NEBL: variants seen among roughly 807,000 people sequenced by gnomAD.
The protein encoded by NEBL is nebulette.
A neutral mutation model predicts 140.2 loss-of-function variants in NEBL; 122 were observed. That is an observed-to-expected ratio of 0.87 (90% CI 0.75 to 1.01). The LOEUF (loss-of-function observed/expected upper bound fraction) is 1.01. NEBL is among the 50% of genes least tolerant of loss of function. The pLI, the probability that NEBL is intolerant of heterozygous loss-of-function variation, is 0.00. For missense variants in NEBL, 1,365 were observed against 1,231.3 expected (o/e 1.11, Z -1.62); for synonymous variants, 436 against 398.9 (o/e 1.09, Z -1.11).
chr10:20,997,377 G>A (rs1837706936), intron 3 of NEBL, among the ~76,000 whole-genome samples: 1 of 149,176 alleles, frequency 6.7e-6, no homozygotes, highest in Non-Finnish European at 1.5e-5. Flanking sequence ...GCACTGCCAA[G>A]GGGGGCAAGG....
Position 20,897,273 on chromosome 10 carries a change from C to T in NEBL, c.-68G>A. ...TGGCGTCCTTTTCCATACCACAGTG[C>T]CCTTGAGATGCTGACGTCTCTGGTG... On this transcript the variant is annotated 5_prime_UTR_variant, in exon 1 of 28. Transcript: ENST00000377122. 2.0e-6 allele frequency: 3 copies of T among 1,520,150 alleles called. No homozygotes were observed. The highest frequency in any genetic ancestry group is 2.1e-5 in the Admixed American group (1 of 47,362). 94.2% of individuals were successfully genotyped at this position (1,520,150 alleles called of 1,614,324 possible).
intron 1 of NEBL, among the ~76,000 whole-genome samples, chr10:21,264,730 A>T (rs1325723592): frequency 1.4e-5 from 2 of 143,520 alleles, no homozygotes; most frequent in Non-Finnish European, 3.0e-5. Context: ...AAAAAAAAAA[A>T]AAAGCCTTAC....
intron 2 of NEBL, among the ~76,000 whole-genome samples, chr10:21,105,711 A>G (rs1837686529): frequency 6.6e-6 from 1 of 152,166 alleles, no homozygotes. Flanking sequence ...CAATAAGGGG[A>G]TCACTGGGTC....
intron 3 of NEBL, among the ~76,000 whole-genome samples, chr10:20,889,228 AT>A (rs1271110572): frequency 2.6e-5 from 4 of 152,380 alleles, no homozygotes; most frequent in Non-Finnish European, 5.9e-5. Flanking sequence ...CACAGAAATC[AT>A]CATCGTTAAC....
At chr10:21,088,185 C>A (rs1233929918) in intron 2 of NEBL, among the ~76,000 whole-genome samples, 1 of 152,170 alleles carries the variant, frequency 6.6e-6, no homozygotes, top group Non-Finnish European at 1.5e-5. Context: ...GGGAAAGGGA[C>A]ACAGTGTACC....
chr10:20,835,737 G>T, intron 13 of NEBL, 114 bp from the exon 14 acceptor site: 1 of 770,384 alleles, frequency 1.3e-6, no homozygotes, highest in South Asian at 1.4e-5. Flanking sequence ...AGGTAACAAA[G>T]CTCCTTGAGT....
intron 3 of NEBL, among the ~76,000 whole-genome samples, chr10:20,981,599 T>TGG (rs5783758): frequency 0.16 from 24,774 of 151,984 alleles, 3,467 homozygotes; most frequent in East Asian, 0.38. Flanking sequence ...TAACATGACT[T>TGG]GGGACTGGCT....
At chr10:21,220,908 C>T (rs774174040) in intron 3 of NEBL, among the ~76,000 whole-genome samples, 8 of 152,196 alleles carry the variant, frequency 5.3e-5, no homozygotes, top group East Asian at 3.8e-4. Context: ...GTAATCCCAG[C>T]GCTTTGGGAG....
At chr10:20,902,230 C>T (rs557197959), upstream of NEBL, among the ~76,000 whole-genome samples, 5 of 151,994 alleles carry the variant, frequency 3.3e-5, no homozygotes, top group East Asian at 7.8e-4. Flanking sequence ...TGTGAAACCC[C>T]GTCTCTACTA....
chr10:21,247,485 G>A (rs1269713542), intron 3 of NEBL, among the ~76,000 whole-genome samples: 1 of 152,148 alleles, frequency 6.6e-6, no homozygotes, highest in Non-Finnish European at 1.5e-5. Context: ...ACAGGAGTAG[G>A]GCAGCTCCAG....
chr10:20,939,813 G>T (rs540835498), intron 4 of NEBL, among the ~76,000 whole-genome samples: 10 of 152,218 alleles, frequency 6.6e-5, no homozygotes, highest in African/African-American at 2.4e-4. Context: ...GACTTTAAAT[G>T]AACAAAGATC....
chr10:21,084,339 T>G (rs1228560205), intron 2 of NEBL, among the ~76,000 whole-genome samples: 1 of 152,234 alleles, frequency 6.6e-6, no homozygotes, highest in African/African-American at 2.4e-5. Context: ...CTGTAACAGT[T>G]TTATGGGCAA....
intron 3 of NEBL, among the ~76,000 whole-genome samples, chr10:21,193,045 C>T (rs1253646372): frequency 1.3e-5 from 2 of 152,152 alleles, no homozygotes; most frequent in East Asian, 3.9e-4. Context: ...GTTTGCTGGG[C>T]AGTCAGGAGG....
Position 21,243,031 on chromosome 10 carries a change from C to T in NEBL, n.348+4890G>A, listed in dbSNP as rs79534489. ...TATGAGGGTCTCAGAAGCCTTTGAC[C>T]TTTGCTTTTGCAGCCATGCCCACCT... On this transcript the variant is annotated intron_variant and non_coding_transcript_variant, in intron 3 of 8. Coordinates refer to the NEBL transcript ENST00000675702. Among the ~76,000 whole-genome samples the T allele has an allele frequency of 5.3e-3, 812 of 152,218 alleles. 6 individuals carry two copies. Among genetic ancestry groups the T allele is most frequent in the African/African-American group, 0.018 (763 of 41,526 alleles).
intron 3 of NEBL, among the ~76,000 whole-genome samples, chr10:21,218,469 A>T (rs991060945): frequency 5.9e-5 from 9 of 151,964 alleles, no homozygotes; most frequent in African/African-American, 1.5e-4. Context: ...ATAAGATAAA[A>T]TTTTTTTATC....
At chr10:21,029,802 C>T in intron 2 of NEBL, 1 of 729,938 alleles carries the variant, frequency 1.4e-6, no homozygotes, top group Non-Finnish European at 2.5e-6. Context: ...AGAGACTATG[C>T]TAGAGGCTAT....
intron 4 of NEBL, among the ~76,000 whole-genome samples, chr10:20,954,025 G>GAAAAAAAAAAAAAAAAAAAAA (rs200642113): frequency 8.0e-6 from 1 of 125,726 alleles, no homozygotes. Flanking sequence ...TCTTCTTAAG[G>GAAAAAAAAAAAAAAAAAAAAA]AAAAAAAAAA....
intron 17 of NEBL, among the ~76,000 whole-genome samples, chr10:20,827,262 G>T (rs748786410): frequency 6.6e-6 from 1 of 152,140 alleles, no homozygotes; most frequent in African/African-American, 2.4e-5. Context: ...GGGAGAGCAC[G>T]GTAGGAGAGA....
intron 4 of NEBL, among the ~76,000 whole-genome samples, chr10:20,917,858 C>G (rs894371114): frequency 1.3e-5 from 2 of 152,066 alleles, no homozygotes; most frequent in African/African-American, 4.8e-5. Flanking sequence ...TCTTAACTTG[C>G]TCTTATTGAA....
Sources: gnomAD v4.1 joint callset for allele counts (sites outside exome capture counted in the v4.1 genomes callset) on GRCh38, gnomAD v4.1.1 for gene constraint, MANE v1.5 for transcripts, NCBI Gene and HGNC (gene_info 2026-07-23, HGNC 2026-07-21) for gene names.